The following ANO6 variants were observed in gnomAD, a reference collection of about 807,000 sequenced individuals.
ANO6 encodes anoctamin-6.
Under a neutral mutation model 117.5 loss-of-function variants are expected in ANO6, and 106 were observed. That is an observed-to-expected ratio of 0.90 (90% CI 0.77 to 1.06). The LOEUF is 1.06. ANO6 is among the 50% of genes least tolerant of loss of function. The probability of loss-of-function intolerance (pLI) is 0.00; values close to 1 mark genes in which losing one functional copy is unlikely to be tolerated. For missense variants in ANO6, 955 were observed against 1,121.1 expected (o/e 0.85, Z 2.12); for synonymous variants, 367 against 385.1 (o/e 0.95, Z 0.55).
chr12:45,237,498 T>C (rs1947664284), intron 1 of ANO6, among the ~76,000 whole-genome samples: 1 of 152,236 alleles, frequency 6.6e-6, no homozygotes, highest in South Asian at 2.1e-4. Context: ...CCCCATTTCT[T>C]GTTTTTGTCA....
intron 7 of ANO6, 90 bp downstream of exon 7, chr12:45,350,864 GC>G: frequency 8.9e-7 from 1 of 1,118,354 alleles, no homozygotes; most frequent in Non-Finnish European, 1.3e-6. Context: ...CAAGACTCTT[GC>G]CAGTGAAGGG....
At position 45,216,308 on chromosome 12, in the gene ANO6, C is replaced by T. The variant is rs1947309067; in HGVS notation, c.-14C>T. ...AACTTCGCGCCAAGTTCGGAGCCGCCTTCTGAGGGAGACATGAAAAAGATG... is the reference window on the plus strand; with the variant it reads ...AACTTCGCGCCAAGTTCGGAGCCGCTTTCTGAGGGAGACATGAAAAAGATG... On this transcript the variant is annotated 5_prime_UTR_variant, in exon 1 of 20. Transcript: ENST00000320560. The T allele has an allele frequency of 1.2e-6, 2 of 1,604,100 alleles. No homozygotes were observed. The highest frequency in any genetic ancestry group is 2.3e-5 in the East Asian group (1 of 44,374).
At chr12:45,387,560 T>C (rs1942332125) in intron 10 of ANO6, among the ~76,000 whole-genome samples, 1 of 152,238 alleles carries the variant, frequency 6.6e-6, no homozygotes, top group Non-Finnish European at 1.5e-5. Flanking sequence ...ACATGTCTTC[T>C]GACCATCACA....
intron 1 of ANO6, among the ~76,000 whole-genome samples, chr12:45,226,435 A>AAG (rs397804761): frequency 6.6e-6 from 1 of 151,300 alleles, no homozygotes; most frequent in Non-Finnish European, 1.5e-5. Context: ...TGAAAAAAAA[A>AAG]GGGACATTGG....
At position 45,253,986 on chromosome 12, in the gene ANO6, G is replaced by A. The variant is rs145322583; in HGVS notation, c.70+37595G>A. Reference sequence around the variant, plus strand: ...GATCGAGACCATCCTGGCCAACATGGTGAAACCCCGTCTGTATTAAAAATG... The same window carrying A: ...GATCGAGACCATCCTGGCCAACATGATGAAACCCCGTCTGTATTAAAAATG... On this transcript the variant is annotated intron_variant, in intron 1 of 19. Transcript: ENST00000320560. Among the ~76,000 whole-genome samples, 653 of 152,232 alleles carry A rather than the reference G, an allele frequency of 4.3e-3. 6 individuals carry two copies. The highest frequency in any genetic ancestry group is 0.015 in the African/African-American group (618 of 41,532).
intron 1 of ANO6, among the ~76,000 whole-genome samples, chr12:45,255,818 G>GTTTTTTTTTTTTT (rs551517877): frequency 2.6e-4 from 21 of 81,686 alleles, no homozygotes; most frequent in African/African-American, 8.5e-4. Context: ...CTCCCTGGGT[G>GTTTTTTTTTTTTT]TTTTTTTTTT....
chr12:45,263,719 A>G (rs1248748070), intron 1 of ANO6, among the ~76,000 whole-genome samples: 2 of 152,172 alleles, frequency 1.3e-5, no homozygotes. Context: ...AAGGAGGGTC[A>G]GAGGCAAAGG....
chr12:45,421,824 T>C (rs2137704129), intron 18 of ANO6, among the ~76,000 whole-genome samples: 1 of 152,340 alleles, frequency 6.6e-6, no homozygotes, highest in East Asian at 1.9e-4. Context: ...TCGATTTTAA[T>C]GGCTGGTGAG....
chr12:45,372,925 TAA>T (rs1941888234), intron 9 of ANO6, among the ~76,000 whole-genome samples: 1 of 152,120 alleles, frequency 6.6e-6, no homozygotes, highest in Non-Finnish European at 1.5e-5. Context: ...GCAAATTGGA[TAA>T]AGAGTCAAGA....
chr12:45,252,936 A>G (rs1937677050), intron 1 of ANO6, among the ~76,000 whole-genome samples: 1 of 152,168 alleles, frequency 6.6e-6, no homozygotes, highest in Non-Finnish European at 1.5e-5. Flanking sequence ...ACAACAGGGA[A>G]TTGTCATGGT....
intron 2 of ANO6, among the ~76,000 whole-genome samples, chr12:45,318,977 C>G (rs1184643274): frequency 6.6e-6 from 1 of 152,170 alleles, no homozygotes; most frequent in Admixed American, 6.5e-5. Context: ...TATCCTGAGA[C>G]TTTGCTGAAG....
intron 1 of ANO6, among the ~76,000 whole-genome samples, chr12:45,250,811 C>CTGGT (rs1313489197): frequency 6.7e-6 from 1 of 149,164 alleles, no homozygotes; most frequent in East Asian, 2.0e-4. Flanking sequence ...GTTGTCCAGA[C>CTGGT]TGGTGTCAAA....
chr12:45,401,346 C>A (rs1292625301), intron 12 of ANO6, among the ~76,000 whole-genome samples: 1 of 152,236 alleles, frequency 6.6e-6, no homozygotes, highest in Non-Finnish European at 1.5e-5. Context: ...AAAACATTAA[C>A]TCACAACTTA....
At position 45,386,908 on chromosome 12, in the gene ANO6, G is replaced by T. The variant is rs190483348; in HGVS notation, c.1166-1253G>T. 2.2e-4 allele frequency among the ~76,000 whole-genome samples: 33 copies of T among 152,334 alleles called. No homozygotes were observed. In the East Asian group the frequency reaches 6.0e-3, roughly 28 times the overall value. The stretch of plus-strand genomic sequence containing the variant: ...TCATCACTGTGGTCCCCTCCTCTGG[G>T]ATGGCCTTCCCCGAAACACCCAGTT... On this transcript the variant is annotated intron_variant, in intron 10 of 19. Transcript: ENST00000320560.
chr12:45,318,842 C>A (rs977560982), intron 2 of ANO6, among the ~76,000 whole-genome samples: 1 of 152,120 alleles, frequency 6.6e-6, no homozygotes, highest in Non-Finnish European at 1.5e-5. Context: ...TCCTTCACAT[C>A]CCTTTTAAGT....
At position 45,430,743 on chromosome 12, in the gene ANO6, C is replaced by T. The variant is rs1415908053; in HGVS notation, c.*1432C>T. 3.0e-6 allele frequency: 3 copies of T among 985,340 alleles called. No homozygotes were observed. The highest frequency in any genetic ancestry group is 1.2e-6 in the Non-Finnish European group (1 of 829,974). 61.0% of individuals were successfully genotyped at this position (985,340 alleles called of 1,614,324 possible). A position where few individuals can be genotyped will look rare whatever the true frequency, so the allele number is the denominator to read the frequency against. The stretch of plus-strand genomic sequence containing the variant: ...TGCACGTCTTGCCCCCTCACTTTTG[C>T]TCAGCCTAGCAGTCTACTTCACTTT... On this transcript the variant is annotated 3_prime_UTR_variant, in exon 20 of 20. Transcript: ENST00000320560.
At chr12:45,239,697 T>C (rs951945528) in intron 1 of ANO6, among the ~76,000 whole-genome samples, 1 of 152,228 alleles carries the variant, frequency 6.6e-6, no homozygotes, top group Admixed American at 6.5e-5. Context: ...GCTATAAATT[T>C]CCCTCTGCAC....
At chr12:45,228,620 G>T (rs529489023) in intron 1 of ANO6, among the ~76,000 whole-genome samples, 3 of 152,270 alleles carry the variant, frequency 2.0e-5, no homozygotes, top group Middle Eastern at 3.4e-3. Flanking sequence ...AGTTCTACAT[G>T]ATTCTGTTCT....
chr12:45,276,823 G>A (rs916707726), intron 1 of ANO6, among the ~76,000 whole-genome samples: 3 of 152,004 alleles, frequency 2.0e-5, no homozygotes, highest in Non-Finnish European at 4.4e-5. Context: ...TGAGCTCCCC[G>A]CCTTTTTTAA....
Sources: allele counts gnomAD v4.1 joint callset (sites outside exome capture counted in the v4.1 genomes callset), GRCh38; gene constraint gnomAD v4.1.1; transcripts MANE v1.5; gene names NCBI Gene and HGNC (gene_info 2026-07-23, HGNC 2026-07-21).